The following GMDS variants were observed in gnomAD, a reference collection of about 807,000 sequenced individuals.
GMDS encodes the protein GDP-mannose 4,6 dehydratase.
A neutral mutation model predicts 49.9 loss-of-function variants in GMDS; 20 were observed. That is an observed-to-expected ratio of 0.40 (90% CI 0.28 to 0.58). The LOEUF (loss-of-function observed/expected upper bound fraction) is 0.58. GMDS is among the 20% of genes least tolerant of loss of function. The pLI, the probability that GMDS is intolerant of heterozygous loss-of-function variation, is 0.42. For synonymous variants in GMDS, 177 were observed against 178.6 expected, an observed-to-expected ratio of 0.99 and a Z score of 0.07; for missense variants, 362 against 481.4, an observed-to-expected ratio of 0.75 and a Z score of 2.32.
chr6:1,640,502 C>A lies in GMDS; in HGVS notation c.988-15962G>T, dbSNP rs1406289311. Among the ~76,000 whole-genome samples the A allele has an allele frequency of 1.3e-5, 2 of 152,210 alleles. No individual in the cohort carries two copies. The highest frequency in any genetic ancestry group is 2.9e-5 in the Non-Finnish European group (2 of 68,040). ...ACTCCCCAGCCTTGAACCTCCCTGA[C>A]CTCTCTGCTGAGCGGCTCTCTGAGG... On this transcript the variant is annotated intron_variant, in intron 9 of 10. Transcript: ENST00000380815. This position sits in a 1 kb window ranked among gnomAD's most constrained non-coding sequence, Gnocchi z 4.0.
At chr6:1,758,307 G>A (rs1288267003) in intron 7 of GMDS, among the ~76,000 whole-genome samples, 1 of 152,198 alleles carries the variant, frequency 6.6e-6, no homozygotes, top group African/African-American at 2.4e-5. Context: ...CATCAGCGAT[G>A]ACAACTGGGA....
At chr6:1,710,573 G>T (rs1765915727) in intron 9 of GMDS, among the ~76,000 whole-genome samples, 1 of 152,108 alleles carries the variant, frequency 6.6e-6, no homozygotes, top group Non-Finnish European at 1.5e-5. Flanking sequence ...GCCCTGACAT[G>T]GCAGATACAC....
At chr6:2,014,570 A>G (rs368921959) in intron 4 of GMDS, among the ~76,000 whole-genome samples, 42 of 152,238 alleles carry the variant, frequency 2.8e-4, no homozygotes, top group African/African-American at 9.9e-4. Flanking sequence ...ATTTTTTCCA[A>G]TAAGTTTTTT....
At chr6:2,101,562 C>A (rs528342893) in intron 4 of GMDS, among the ~76,000 whole-genome samples, 1 of 151,812 alleles carries the variant, frequency 6.6e-6, no homozygotes, top group African/African-American at 2.4e-5. Flanking sequence ...GAATCTCCCA[C>A]GAAATGAGAG....
At chr6:1,873,014 C>T (rs941041920) in intron 7 of GMDS, among the ~76,000 whole-genome samples, 1 of 152,200 alleles carries the variant, frequency 6.6e-6, no homozygotes, top group Admixed American at 6.5e-5. Context: ...CCGCTGAAAT[C>T]CCCACTCTTT....
At chr6:1,719,622 T>TTA (rs1554111710) in intron 9 of GMDS, among the ~76,000 whole-genome samples, 43 of 146,486 alleles carry the variant, frequency 2.9e-4, no homozygotes, top group African/African-American at 9.5e-4. Context: ...CTGATTTGTT[T>TTA]AAAAAAAAAA....
intron 4 of GMDS, among the ~76,000 whole-genome samples, chr6:2,061,451 T>G (rs1225376298): frequency 6.6e-6 from 1 of 152,074 alleles, no homozygotes; most frequent in Non-Finnish European, 1.5e-5. Flanking sequence ...GCATGGTGGC[T>G]CATGCCCGTA....
chr6:1,984,348 T>A (rs1765410148), intron 4 of GMDS, among the ~76,000 whole-genome samples: 1 of 152,154 alleles, frequency 6.6e-6, no homozygotes, highest in African/African-American at 2.4e-5. Context: ...GTAACAAACC[T>A]GCACATCCTG....
chr6:1,932,826 C>A (rs985294069), intron 6 of GMDS, among the ~76,000 whole-genome samples: 2 of 152,198 alleles, frequency 1.3e-5, no homozygotes, highest in African/African-American at 4.8e-5. Flanking sequence ...GCATGAGCCA[C>A]CGCGCCCGCT....
At chr6:1,673,690 T>C (rs891090188) in intron 9 of GMDS, among the ~76,000 whole-genome samples, 1 of 152,146 alleles carries the variant, frequency 6.6e-6, no homozygotes, top group African/African-American at 2.4e-5. Flanking sequence ...CCCCCTGTGC[T>C]CTTCCTCTAT....
intron 6 of GMDS, among the ~76,000 whole-genome samples, chr6:1,936,973 A>G (rs1389043536): frequency 9.2e-5 from 14 of 152,064 alleles, no homozygotes; most frequent in African/African-American, 3.4e-4. Context: ...TCTCAAAAAA[A>G]AAAAAAAAAA....
intron 1 of GMDS, among the ~76,000 whole-genome samples, chr6:2,171,312 TG>T (rs1334370276): frequency 6.6e-6 from 1 of 152,226 alleles, no homozygotes; most frequent in East Asian, 1.9e-4. Flanking sequence ...GTAAGTAATT[TG>T]TTTAACATTT....
chr6:2,194,237 T>C (rs186828), intron 1 of GMDS, among the ~76,000 whole-genome samples: 6,284 of 152,222 alleles, frequency 0.041, 263 homozygotes, highest in South Asian at 0.13. Flanking sequence ...GAGTTCTTCT[T>C]GAGTTCAAGG....
chr6:1,997,900 T>C (rs1461976730), intron 4 of GMDS, among the ~76,000 whole-genome samples: 1 of 151,954 alleles, frequency 6.6e-6, no homozygotes, highest in Non-Finnish European at 1.5e-5. Flanking sequence ...CCAAGCTGAG[T>C]AGGCAGGGGA....
At chr6:1,694,580 G>C (rs1192333990) in intron 9 of GMDS, among the ~76,000 whole-genome samples, 2 of 152,102 alleles carry the variant, frequency 1.3e-5, no homozygotes, top group Non-Finnish European at 2.9e-5. Context: ...TTAATGGCAT[G>C]TCAAGCCCAT....
At chr6:1,879,670 G>A (rs974408398) in intron 7 of GMDS, among the ~76,000 whole-genome samples, 2 of 151,914 alleles carry the variant, frequency 1.3e-5, no homozygotes, top group Admixed American at 6.6e-5. Flanking sequence ...TGTTAAAGCA[G>A]TATTGAAATC....
chr6:1,737,555 TAC>T (rs368440878), intron 8 of GMDS, among the ~76,000 whole-genome samples: 2,652 of 126,346 alleles, frequency 0.021, 81 homozygotes, highest in African/African-American at 0.073. Context: ...CACACACAGA[TAC>T]ACACACACAC....
At chr6:2,057,155 G>C (rs1020330530) in intron 4 of GMDS, among the ~76,000 whole-genome samples, 5 of 152,178 alleles carry the variant, frequency 3.3e-5, no homozygotes, top group African/African-American at 1.2e-4. Context: ...CAGGCCACCA[G>C]CCTTACTTCC....
chr6:1,908,046 GC>G (rs1760865963), intron 7 of GMDS, among the ~76,000 whole-genome samples: 1 of 152,126 alleles, frequency 6.6e-6, no homozygotes, highest in South Asian at 2.1e-4. Flanking sequence ...GCACCATGGG[GC>G]CATTATTAGG....
Sources: gnomAD v4.1 joint callset for allele counts (sites outside exome capture counted in the v4.1 genomes callset) on GRCh38, gnomAD v4.1.1 for gene constraint, Gnocchi (gnomAD v3.1) non-coding constraint, MANE v1.5 for transcripts, NCBI Gene and HGNC (gene_info 2026-07-23, HGNC 2026-07-21) for gene names.